Variants in SH3GL3 observed in about 807,000 individuals in gnomAD.
The protein encoded by SH3GL3 is SH3 domain containing GRB2 like 3, endophilin A3.
SH3GL3 carries 33 observed loss-of-function variants against 47.7 expected under a neutral mutation model. The ratio of observed to expected loss-of-function variants is 0.69; its 90% confidence interval spans 0.52 to 0.92. SH3GL3 has a LOEUF of 0.92. SH3GL3 is among the 40% of genes least tolerant of loss of function. SH3GL3 has a pLI of 0.00. For missense variants in SH3GL3, 363 were observed against 417.8 expected, an observed-to-expected ratio of 0.87 and a Z score of 1.14; for synonymous variants, 155 against 148.8, an observed-to-expected ratio of 1.04 and a Z score of -0.30.
chr15:83,581,386 C>T (rs1366505301), intron 6 of SH3GL3, among the ~76,000 whole-genome samples: 2 of 152,206 alleles, frequency 1.3e-5, no homozygotes, highest in African/African-American at 2.4e-5. Flanking sequence ...GAGCAGGGCT[C>T]TCTAGAAAGC....
chr15:83,492,279 CAAAAAAAAAAAAAA>C (rs11300008), intron 1 of SH3GL3, among the ~76,000 whole-genome samples: 1 of 51,488 alleles, frequency 1.9e-5, no homozygotes, highest in Admixed American at 2.9e-4. Flanking sequence ...GACTCCCTCT[CAAAAAAAAAAAAAA>C]AAAAAAAAAA....
Position 83,565,119 on chromosome 15 carries a change from A to G in SH3GL3, c.115-15A>G. ...GTTTGTCATTTACTAACTTTTTTTA[A>G]ATTTTGCTTTTAAGAAAATAGATGT... On this transcript the variant is annotated splice_polypyrimidine_tract_variant and intron_variant, in intron 2 of 8. Transcript: ENST00000427482. 1 of 1,264,284 alleles carries G rather than the reference A, an allele frequency of 7.9e-7. No individual in the cohort carries two copies. The highest frequency in any genetic ancestry group is 1.1e-6 in the Non-Finnish European group (1 of 885,528). The allele number at this position is 1,264,284 out of a possible 1,614,324, so 78.3% of individuals were successfully genotyped here.
rs147878204 is a variant in SH3GL3, at chr15:83,463,328, C to T, written c.45+15750C>T. The stretch of plus-strand genomic sequence containing the variant: ...TGGCATCTCCACCAATGAACTGACG[C>T]TGACTCTGGCTTTGAGCTTCTGGAA... On this transcript the variant is annotated intron_variant, in intron 1 of 8. Coordinates refer to ENST00000427482, the MANE Select transcript of SH3GL3 (RefSeq NM_003027.5). 3.8e-3 allele frequency among the ~76,000 whole-genome samples: 572 copies of T among 151,984 alleles called. 3 individuals are homozygous for T. The highest frequency in any genetic ancestry group is 0.013 in the African/African-American group (538 of 41,262).
chr15:83,563,712 C>T (rs1457253618), intron 2 of SH3GL3, among the ~76,000 whole-genome samples: 1 of 151,994 alleles, frequency 6.6e-6, no homozygotes, highest in African/African-American at 2.4e-5. Context: ...GATCTCGGCT[C>T]ACTGCAACCT....
At chr15:83,465,958 T>TA (rs1161741280) in intron 1 of SH3GL3, among the ~76,000 whole-genome samples, 42 of 152,282 alleles carry the variant, frequency 2.8e-4, no homozygotes, top group Middle Eastern at 3.4e-3. Context: ...TTTATGTTGA[T>TA]ACAGTCAGGA....
intron 6 of SH3GL3, among the ~76,000 whole-genome samples, chr15:83,579,838 T>C (rs2059786893): frequency 1.3e-5 from 2 of 152,196 alleles, no homozygotes; most frequent in Admixed American, 1.3e-4. Flanking sequence ...AATCACCTGA[T>C]CCTTTTCCAT....
intron 7 of SH3GL3, among the ~76,000 whole-genome samples, chr15:83,587,949 C>T (rs937344250): frequency 2.0e-5 from 3 of 152,166 alleles, no homozygotes; most frequent in African/African-American, 7.2e-5. Flanking sequence ...TCCACTTCTG[C>T]AGGCAGATAG....
At chr15:83,529,335 G>A (rs2043560835) in intron 1 of SH3GL3, among the ~76,000 whole-genome samples, 1 of 152,202 alleles carries the variant, frequency 6.6e-6, no homozygotes, top group Non-Finnish European at 1.5e-5. Context: ...CAGTGGGCTG[G>A]ATGAGTGGGC....
intron 1 of SH3GL3, among the ~76,000 whole-genome samples, chr15:83,495,503 G>A (rs1301537914): frequency 6.6e-6 from 1 of 152,198 alleles, no homozygotes; most frequent in Non-Finnish European, 1.5e-5. Context: ...GGGAGGCTGA[G>A]GTGGGTGAAT....
chr15:83,572,295 C>T (rs2059562954), intron 4 of SH3GL3, among the ~76,000 whole-genome samples: 1 of 152,198 alleles, frequency 6.6e-6, no homozygotes, highest in African/African-American at 2.4e-5. Flanking sequence ...TCTTTATCCC[C>T]ATCTAGTGGT....
intron 1 of SH3GL3, among the ~76,000 whole-genome samples, chr15:83,507,476 C>T (rs1166777697): frequency 6.6e-6 from 1 of 151,724 alleles, no homozygotes; most frequent in Non-Finnish European, 1.5e-5. Flanking sequence ...AGTGAAGTGG[C>T]ATGATCTCAG....
chr15:83,632,851 A>T, the SH3GL3 span, among the ~76,000 whole-genome samples: 1 of 152,210 alleles, frequency 6.6e-6, no homozygotes, highest in Non-Finnish European at 1.5e-5. Context: ...CCAAATTTAT[A>T]CAGAATTCTC....
intron 6 of SH3GL3, among the ~76,000 whole-genome samples, chr15:83,585,095 C>G (rs1165170525): frequency 1.3e-5 from 2 of 152,214 alleles, no homozygotes; most frequent in African/African-American, 2.4e-5. Context: ...GGAAAATAAT[C>G]TATCGTAGCA....
chr15:83,465,710 G>C lies in SH3GL3; in HGVS notation c.45+18132G>C, dbSNP rs55641568. On this transcript the variant is annotated intron_variant, in intron 1 of 8. Transcript: ENST00000427482. Reference sequence around the variant, plus strand: ...TTTACCCTTTCTTGTCTGTTATCCAGTTGGGTGGATTATTTTTTCCTATCA... The same window carrying C: ...TTTACCCTTTCTTGTCTGTTATCCACTTGGGTGGATTATTTTTTCCTATCA... Among the ~76,000 whole-genome samples the C allele has an allele frequency of 7.9e-5, 12 of 151,890 alleles. 1 individual carries two copies. Among genetic ancestry groups the C allele is most frequent in the Admixed American group, 7.9e-4 (12 of 15,260 alleles).
intron 8 of SH3GL3, among the ~76,000 whole-genome samples, chr15:83,612,574 C>T (rs2151847070): frequency 6.6e-6 from 1 of 152,334 alleles, no homozygotes; most frequent in African/African-American, 2.4e-5. Context: ...GGCTCCAGCC[C>T]CCGTGTTAGT....
intron 1 of SH3GL3, among the ~76,000 whole-genome samples, chr15:83,484,411 A>G (rs1596075241): frequency 2.0e-5 from 3 of 152,014 alleles, no homozygotes; most frequent in Non-Finnish European, 4.4e-5. Flanking sequence ...ATTTACTTTT[A>G]TCTTGTACTT....
At chr15:83,502,718 C>T (rs1223133743) in intron 1 of SH3GL3, among the ~76,000 whole-genome samples, 1 of 152,132 alleles carries the variant, frequency 6.6e-6, no homozygotes, top group Non-Finnish European at 1.5e-5. Flanking sequence ...TCCACCTTGC[C>T]TGGCTAATTA....
intron 8 of SH3GL3, among the ~76,000 whole-genome samples, chr15:83,604,653 A>G (rs17158772): frequency 0.2 from 30,664 of 152,108 alleles, 3,499 homozygotes; most frequent in African/African-American, 0.31. Context: ...AACTACACTT[A>G]TTGGCTACTT....
At chr15:83,531,326 T>A (rs2043661406) in intron 1 of SH3GL3, among the ~76,000 whole-genome samples, 1 of 152,202 alleles carries the variant, frequency 6.6e-6, no homozygotes, top group South Asian at 2.1e-4. Flanking sequence ...ATTCAGGAGA[T>A]CTGCAGAAGG....
Sources: gnomAD v4.1 joint callset for allele counts (sites outside exome capture counted in the v4.1 genomes callset) on GRCh38, gnomAD v4.1.1 for gene constraint, MANE v1.5 for transcripts, NCBI Gene and HGNC (gene_info 2026-07-23, HGNC 2026-07-21) for gene names.